The following IL2RB variants were observed in gnomAD, a reference collection of about 807,000 sequenced individuals.
IL2RB encodes the protein interleukin-2 receptor subunit beta.
IL2RB carries 17 observed loss-of-function variants against 44.2 expected under a neutral mutation model. The observed-to-expected ratio is 0.38, with a 90% CI of 0.26 to 0.58. The LOEUF is 0.58. Among genes scored for constraint, IL2RB ranks in the 20% least tolerant of loss-of-function variants. The pLI is 0.63. For missense variants in IL2RB, 624 were observed against 685.5 expected (o/e 0.91, Z 1.00); for synonymous variants, 286 against 297.9 (o/e 0.96, Z 0.41).
Position 37,127,784 on chromosome 22 carries a change from A to C in IL2RB, c.*312T>G, listed in dbSNP as rs1921196965. On this transcript the variant is annotated 3_prime_UTR_variant, in exon 10 of 10. Transcript: ENST00000216223. ...AGGACTGATATTGGTGAATAGCTGC[A>C]GGGCTGGAGAGGAGCGATGCTTCTG... 4.2e-6 allele frequency: 1 copy of C among 239,970 alleles called. No individual in the cohort carries two copies. The highest frequency in any genetic ancestry group is 1.2e-3 in the Middle Eastern group (1 of 804). The allele number at this position is 239,970 out of a possible 1,614,324, so 14.9% of individuals were successfully genotyped here.
At chr22:37,165,494 CA>C (rs2145739912) in intron 1 of IL2RB, among the ~76,000 whole-genome samples, 1 of 152,220 alleles carries the variant, frequency 6.6e-6, no homozygotes, top group African/African-American at 2.4e-5. Flanking sequence ...GGAGTTATAG[CA>C]GCCACAAAAG....
At chr22:37,165,223 A>G (rs574027306) in intron 1 of IL2RB, among the ~76,000 whole-genome samples, 1 of 152,356 alleles carries the variant, frequency 6.6e-6, no homozygotes, top group Admixed American at 6.5e-5. Flanking sequence ...TCCTAAGCAC[A>G]TGCTCCTAAC....
chr22:37,144,226 G>C, intron 1 of IL2RB, 21 bp from the exon 2 acceptor site: 3 of 1,531,058 alleles, frequency 2.0e-6, no homozygotes, highest in Non-Finnish European at 1.8e-6. Context: ...AGGAGAAAGA[G>C]AGAGCACACG....
chr22:37,159,464 C>A (rs980443089), intron 1 of IL2RB, among the ~76,000 whole-genome samples: 4 of 152,036 alleles, frequency 2.6e-5, no homozygotes, highest in African/African-American at 9.7e-5. Context: ...CTCCTCCGAG[C>A]GGGAAAGATG....
chr22:37,162,832 C>A (rs149723419), intron 1 of IL2RB, among the ~76,000 whole-genome samples: 1 of 152,160 alleles, frequency 6.6e-6, no homozygotes, highest in Admixed American at 6.5e-5. Flanking sequence ...CGCATCCTAC[C>A]CCTGCCTGCC....
chr22:37,129,798 C>A (rs1293748344), intron 9 of IL2RB, among the ~76,000 whole-genome samples: 1 of 152,204 alleles, frequency 6.6e-6, no homozygotes, highest in South Asian at 2.1e-4. Context: ...GTGGCAGGGG[C>A]CTCGGGTGGG....
At chr22:37,173,079 T>C (rs1330092611) in intron 1 of IL2RB, among the ~76,000 whole-genome samples, 2 of 152,092 alleles carry the variant, frequency 1.3e-5, no homozygotes, top group Non-Finnish European at 2.9e-5. Context: ...GGCCTCTGGG[T>C]CTTTCTTTCA....
upstream of IL2RB, among the ~76,000 whole-genome samples, chr22:37,154,111 C>G (rs1922588586): frequency 6.6e-6 from 1 of 152,214 alleles, no homozygotes; most frequent in Non-Finnish European, 1.5e-5. Flanking sequence ...GTAGGCCACT[C>G]TCCACCCTCG....
At chr22:37,152,929 C>CTTTTTTTTTTTT (rs67046193), upstream of IL2RB, among the ~76,000 whole-genome samples, 1 of 86,982 alleles carries the variant, frequency 1.1e-5, no homozygotes, top group African/African-American at 4.8e-5. Context: ...GCTGTGGCCT[C>CTTTTTTTTTTTT]TTTTTTTTTT....
At chr22:37,170,121 G>A (rs1923231171) in intron 1 of IL2RB, among the ~76,000 whole-genome samples, 1 of 150,012 alleles carries the variant, frequency 6.7e-6, no homozygotes, top group South Asian at 2.1e-4. Context: ...TGGATGGATG[G>A]ATGGATGGAT....
rs1285738791 is a variant in IL2RB at position 37,149,287 on chromosome 22, G to C, written c.-34+538C>G. Among the ~76,000 whole-genome samples, 4 of 152,190 alleles carry C rather than the reference G, an allele frequency of 2.6e-5. No homozygotes were observed. The South Asian group carries it at 8.3e-4, about 32-fold the overall frequency. ...AAACCCAGGGCTCTGCCTCCAGCCT[G>C]GGGCTCCCAGAGGCCTCGCAGCAAC... On this transcript the variant is annotated intron_variant, in intron 1 of 9. Coordinates refer to ENST00000216223, the MANE Select transcript of IL2RB (RefSeq NM_000878.5).
At chr22:37,171,482 C>T (rs965778215) in intron 1 of IL2RB, among the ~76,000 whole-genome samples, 1 of 151,942 alleles carries the variant, frequency 6.6e-6, no homozygotes, top group East Asian at 1.9e-4. Flanking sequence ...AGATGAAAAA[C>T]GCTATCAGAA....
chr22:37,154,404 C>A (rs185388155), upstream of IL2RB, among the ~76,000 whole-genome samples: 1 of 152,152 alleles, frequency 6.6e-6, no homozygotes, highest in Non-Finnish European at 1.5e-5. Context: ...ACCCTCCTCC[C>A]GGCATCAGCT....
chr22:37,156,037 T>C (rs568327026), intron 1 of IL2RB, among the ~76,000 whole-genome samples: 4 of 152,208 alleles, frequency 2.6e-5, no homozygotes, highest in Non-Finnish European at 5.9e-5. Context: ...TCCTCAGTCC[T>C]GGTATCTGCC....
upstream of IL2RB, among the ~76,000 whole-genome samples, chr22:37,151,659 C>T (rs1005405562): frequency 1.3e-4 from 20 of 152,134 alleles, no homozygotes; most frequent in Non-Finnish European, 2.5e-4. Context: ...TAAAGAGTTT[C>T]CCCAATGTTC....
chr22:37,149,798 G>A, intron 1 of IL2RB, 27 bp downstream of exon 1: 1 of 969,916 alleles, frequency 1.0e-6, no homozygotes, highest in East Asian at 1.1e-4. Context: ...GTCCACAGGG[G>A]CCGGGAGGGA....
At chr22:37,153,675 C>T (rs1922574885), upstream of IL2RB, among the ~76,000 whole-genome samples, 1 of 152,154 alleles carries the variant, frequency 6.6e-6, no homozygotes, top group Admixed American at 6.5e-5. Flanking sequence ...AGAAGCTTTG[C>T]AAGAAATTAG....
intron 9 of IL2RB, among the ~76,000 whole-genome samples, chr22:37,129,201 A>G (rs1921297481): frequency 6.6e-6 from 1 of 152,162 alleles, no homozygotes; most frequent in Non-Finnish European, 1.5e-5. Flanking sequence ...GAAAGGAGAG[A>G]ATCCTCAGAC....
intron 1 of IL2RB, among the ~76,000 whole-genome samples, chr22:37,149,193 A>AG: frequency 6.6e-6 from 1 of 152,286 alleles, no homozygotes; most frequent in African/African-American, 2.4e-5. Flanking sequence ...ATAGGGTCCC[A>AG]TCCCCAATGT....
Sources: allele counts gnomAD v4.1 joint callset (sites outside exome capture counted in the v4.1 genomes callset), GRCh38; gene constraint gnomAD v4.1.1; transcripts MANE v1.5; gene names NCBI Gene and HGNC (gene_info 2026-07-23, HGNC 2026-07-21).